IQCJ: variants seen among roughly 807,000 people sequenced by gnomAD.
The protein encoded by IQCJ is IQ motif containing J.
A neutral mutation model predicts 11.0 loss-of-function variants in IQCJ; 9 were observed. The observed-to-expected ratio is 0.82, with a 90% CI of 0.49 to 1.43. The LOEUF is 1.43. Ranked by LOEUF, IQCJ falls within the 40% of genes most tolerant of loss-of-function variation. The pLI is 0.00. For synonymous variants in IQCJ, 55 were observed against 51.3 expected, an observed-to-expected ratio of 1.07 and a Z score of -0.31; for missense variants, 146 against 133.2, an observed-to-expected ratio of 1.10 and a Z score of -0.47.
At chr3:159,198,301 G>A (rs1008170891) in intron 1 of IQCJ, among the ~76,000 whole-genome samples, 6 of 152,102 alleles carry the variant, frequency 3.9e-5, no homozygotes. Context: ...AAATGGAAAA[G>A]AAGAAGGGAG....
intron 1 of IQCJ, among the ~76,000 whole-genome samples, chr3:159,094,115 T>A (rs1271741742): frequency 6.6e-6 from 1 of 151,804 alleles, no homozygotes; most frequent in Non-Finnish European, 1.5e-5. Flanking sequence ...CTTGGCAATG[T>A]CCAAAATCTA....
intron 1 of IQCJ, among the ~76,000 whole-genome samples, chr3:159,101,593 T>G (rs73027608): frequency 0.036 from 5,476 of 152,288 alleles, 319 homozygotes; most frequent in African/African-American, 0.12. Context: ...TCTCTGCACC[T>G]CATCTTTGCC....
chr3:159,159,420 A>C (rs533061104), intron 1 of IQCJ, among the ~76,000 whole-genome samples: 1 of 152,320 alleles, frequency 6.6e-6, no homozygotes, highest in South Asian at 2.1e-4. Flanking sequence ...CAGTCTCTCC[A>C]TGATCAAGGC....
chr3:159,156,837 T>C (rs775472031), intron 1 of IQCJ, among the ~76,000 whole-genome samples: 6 of 152,192 alleles, frequency 3.9e-5, no homozygotes, highest in South Asian at 2.1e-4. Context: ...GCCTTAAAGA[T>C]ATTTGAGCCT....
At chr3:159,101,317 A>G (rs966233365) in intron 1 of IQCJ, among the ~76,000 whole-genome samples, 7 of 151,578 alleles carry the variant, frequency 4.6e-5, no homozygotes, top group Admixed American at 4.6e-4. Flanking sequence ...AAATGCAGAA[A>G]TCACCGTCTT....
chr3:159,176,960 A>C (rs981201655), intron 1 of IQCJ, among the ~76,000 whole-genome samples: 3 of 152,180 alleles, frequency 2.0e-5, no homozygotes, highest in African/African-American at 7.2e-5. Context: ...TAAAAAGCTA[A>C]TTTCATCTTT....
At chr3:159,114,102 C>T (rs1268267451) in intron 1 of IQCJ, among the ~76,000 whole-genome samples, 1 of 152,084 alleles carries the variant, frequency 6.6e-6, no homozygotes, top group Non-Finnish European at 1.5e-5. Context: ...GTAAAATTGG[C>T]ACTTGCTAAT....
chr3:159,106,749 G>A (rs1718289042), intron 1 of IQCJ, among the ~76,000 whole-genome samples: 1 of 152,024 alleles, frequency 6.6e-6, no homozygotes, highest in African/African-American at 2.4e-5. Context: ...CCCCATTTTA[G>A]ACACCAATCA....
At chr3:159,197,144 A>G (rs28546574) in intron 1 of IQCJ, among the ~76,000 whole-genome samples, 3,577 of 152,300 alleles carry the variant, frequency 0.023, 142 homozygotes, top group African/African-American at 0.082. Flanking sequence ...AGATAAAAAT[A>G]TGAGCTGACA....
At chr3:159,108,315 C>T (rs892006411) in intron 1 of IQCJ, among the ~76,000 whole-genome samples, 5 of 151,944 alleles carry the variant, frequency 3.3e-5, no homozygotes, top group African/African-American at 9.7e-5. Context: ...GTTAATCATT[C>T]GTTCCTTATA....
At chr3:159,112,519 G>T (rs997375778) in intron 1 of IQCJ, among the ~76,000 whole-genome samples, 1 of 152,110 alleles carries the variant, frequency 6.6e-6, no homozygotes, top group African/African-American at 2.4e-5. Context: ...CATCCCTTTG[G>T]AAAGAACCTT....
At chr3:159,142,412 G>C (rs533125295) in intron 1 of IQCJ, among the ~76,000 whole-genome samples, 1 of 103,972 alleles carries the variant, frequency 9.6e-6, no homozygotes, top group South Asian at 3.0e-4. Flanking sequence ...TGCACTGAGG[G>C]GCAGGTCTTT....
chr3:159,234,993 C>A (rs916071773), intron 1 of IQCJ, among the ~76,000 whole-genome samples: 2 of 152,188 alleles, frequency 1.3e-5, no homozygotes, highest in African/African-American at 2.4e-5. Context: ...TGATTGCCTG[C>A]ACTTTTTTTT....
intron 2 of IQCJ, among the ~76,000 whole-genome samples, chr3:159,252,378 A>G (rs992628388): frequency 3.3e-5 from 5 of 152,198 alleles, no homozygotes; most frequent in Admixed American, 6.5e-5. Context: ...ACAACTTACT[A>G]GTTGGCCAGT....
At chr3:159,113,544 T>C (rs1428236953) in intron 1 of IQCJ, among the ~76,000 whole-genome samples, 1 of 152,246 alleles carries the variant, frequency 6.6e-6, no homozygotes, top group Admixed American at 6.5e-5. Context: ...TATTGTCCTT[T>C]GAGTTGCTTT....
chr3:159,144,703 C>A (rs998927664), intron 1 of IQCJ, among the ~76,000 whole-genome samples: 2 of 150,976 alleles, frequency 1.3e-5, no homozygotes, highest in African/African-American at 4.9e-5. Context: ...GTTCCTGCTG[C>A]ATTTCAAATC....
chr3:159,105,461 T>C (rs1428572894), intron 1 of IQCJ, among the ~76,000 whole-genome samples: 1 of 152,092 alleles, frequency 6.6e-6, no homozygotes, highest in Non-Finnish European at 1.5e-5. Flanking sequence ...CAGGACACAA[T>C]GGTAGGGGTA....
At chr3:159,239,807 A>G (rs1160246077) in intron 1 of IQCJ, among the ~76,000 whole-genome samples, 2 of 152,210 alleles carry the variant, frequency 1.3e-5, no homozygotes, top group East Asian at 3.9e-4. Flanking sequence ...TAGATATACA[A>G]ATATTTACCA....
intron 1 of IQCJ, among the ~76,000 whole-genome samples, chr3:159,232,316 T>A (rs1033673612): frequency 2.6e-5 from 4 of 152,166 alleles, no homozygotes; most frequent in Admixed American, 2.6e-4. Flanking sequence ...TCCCAGAGAT[T>A]CTGGTATGTT....
Sources: gnomAD v4.1 joint callset for allele counts (sites outside exome capture counted in the v4.1 genomes callset) on GRCh38, gnomAD v4.1.1 for gene constraint, MANE v1.5 for transcripts, NCBI Gene and HGNC (gene_info 2026-07-23, HGNC 2026-07-21) for gene names.